The following PKLR variants were observed in gnomAD, a reference collection of about 807,000 sequenced individuals.
PKLR encodes pyruvate kinase PKLR.
In PKLR, 38 loss-of-function variants were observed where a neutral mutation model predicts 53.6. That is an observed-to-expected ratio of 0.71 (90% CI 0.55 to 0.93). The LOEUF (loss-of-function observed/expected upper bound fraction) is 0.93. PKLR is among the 40% of genes least tolerant of loss of function. PKLR has a pLI of 0.00. For synonymous variants in PKLR, 328 were observed against 316.2 expected (o/e 1.04, Z -0.39); for missense variants, 702 against 787.3 (o/e 0.89, Z 1.30).
chr1:155,294,835 C>G (rs544737167), intron 5 of PKLR, 83 bp from the exon 6 acceptor site: 2 of 1,525,354 alleles, frequency 1.3e-6, no homozygotes, highest in South Asian at 1.1e-5. Context: ...GGCTTGGACC[C>G]GCAAGAGGTC....
rs1674482754 is a variant in PKLR at position 155,290,517 on chromosome 1, GGGGAGGAA to G, written c.*47_*54del. On this transcript the variant is annotated 3_prime_UTR_variant, in exon 11 of 11. Transcript: ENST00000342741. Reference sequence around the variant, plus strand: ...GGGTGTGGGCTGGAGAACGTAGACTGGGGAGGAAGGGATGGGGTACAAGGGTAGGCTGG... The same window carrying G: ...GGGTGTGGGCTGGAGAACGTAGACTGGGGATGGGGTACAAGGGTAGGCTGG... 2 of 1,047,650 alleles carry G rather than the reference GGGGAGGAA, an allele frequency of 1.9e-6. No individual in the cohort carries two copies. Among genetic ancestry groups the G allele is most frequent in the East Asian group, 4.8e-5 (2 of 41,436 alleles). 64.9% of individuals were successfully genotyped at this position (1,047,650 alleles called of 1,614,324 possible).
the PKLR span, chr1:155,308,618 G>A: frequency 2.0e-6 from 2 of 985,416 alleles, no homozygotes; most frequent in Non-Finnish European, 2.4e-6. Context: ...AAGCCACAGC[G>A]GGGACGTTCC....
chr1:155,294,080 C>T (rs1396631426), intron 7 of PKLR, among the ~76,000 whole-genome samples, 155 bp downstream of exon 7: 4 of 152,138 alleles, frequency 2.6e-5, no homozygotes, highest in Admixed American at 2.0e-4. Flanking sequence ...TTGCAGTGAG[C>T]GGAGATTGCG....
chr1:155,295,242 CG>C lies in PKLR; in HGVS notation c.567del (p.Ala190ArgfsTer37). On this transcript the variant is annotated frameshift_variant, in exon 5 of 11. Transcript: ENST00000342741. LOFTEE classifies it high-confidence loss of function. The surrounding 1 kb of genome is among the most constrained non-coding windows in gnomAD (Gnocchi z 4.3). ...TTCGCGTTCCCCCGCGTCCGGAACGCGGGGTCCACAGTCACCAGCACCTGGG... is the reference window on the plus strand; with the variant it reads ...TTCGCGTTCCCCCGCGTCCGGAACGCGGGTCCACAGTCACCAGCACCTGGG... ...KGSQVLVTVD[P>X]AFRTRGNANT... 6.2e-7 allele frequency: 1 copy of C among 1,614,088 alleles called. No individual in the cohort carries two copies. The highest frequency in any genetic ancestry group is 8.5e-7 in the Non-Finnish European group (1 of 1,179,982).
At chr1:155,301,998 C>A (rs1557966155), upstream of PKLR, among the ~76,000 whole-genome samples, 1 of 151,988 alleles carries the variant, frequency 6.6e-6, no homozygotes, top group African/African-American at 2.4e-5. Flanking sequence ...TTATAGACTC[C>A]TACCCCCAGG....
At position 155,294,371 on chromosome 1, in the gene PKLR, A is replaced by T. The variant is rs758924903; in HGVS notation, c.980T>A (p.Leu327Gln). 1.2e-6 allele frequency: 2 copies of T among 1,614,176 alleles called. No homozygotes were observed. Among genetic ancestry groups the T allele is most frequent in the Non-Finnish European group, 1.7e-6 (2 of 1,180,028 alleles). ...HEGVKRFDEI[L>Q]EVSDGIMVAR... ...CACCATGATGCCGTCGCTCACCTCC[A>T]GGATTTCATCAAACCTGAGAGGTTG... The change falls in exon 7 of 11, where the codon CTG (leucine) becomes CAG (glutamine). Residue 327 changes from leucine (L) to glutamine (Q), a missense_variant. Transcript: ENST00000342741.
chr1:155,299,922 T>A (rs1385821132), intron 2 of PKLR, among the ~76,000 whole-genome samples, 176 bp downstream of exon 2: 1 of 152,220 alleles, frequency 6.6e-6, no homozygotes, highest in African/African-American at 2.4e-5. Flanking sequence ...TTGTCTGTTT[T>A]TTTCACTGAT....
chr1:155,301,084 C>T (rs981392370), intron 1 of PKLR: 1 of 1,492,424 alleles, frequency 6.7e-7, no homozygotes, highest in Non-Finnish European at 9.1e-7. Flanking sequence ...CCGTGGCTTA[C>T]ATGCTGTGGC....
chr1:155,308,649 A>C, the PKLR span: 1 of 985,434 alleles, frequency 1.0e-6, no homozygotes, highest in South Asian at 4.7e-5. Flanking sequence ...CGCTTCCGGC[A>C]CTGACGCCTC....
rs758922618 is a variant in PKLR at position 155,290,560 on chromosome 1, G to A, written c.*12C>T. On this transcript the variant is annotated 3_prime_UTR_variant, in exon 11 of 11. Transcript: ENST00000342741. Reference sequence around the variant, plus strand: ...TACAAGGGTAGGCTGGGCCAGAGGAGGGAGGGGCGTCTCAGGATATGCTTA... The same window carrying A: ...TACAAGGGTAGGCTGGGCCAGAGGAAGGAGGGGCGTCTCAGGATATGCTTA... 1.3e-6 allele frequency: 2 copies of A among 1,545,450 alleles called. No individual in the cohort carries two copies. The highest frequency in any genetic ancestry group is 2.3e-5 in the East Asian group (1 of 44,370).
rs758341301 is a variant in PKLR at position 155,295,481 on chromosome 1, G to A, written c.463C>T (p.Leu155=). ...PLSYRPVAIA[L]DTKGPEIRTG... ...CGGATCTCCGGTCCCTTGGTGTCCA[G>A]GGCGATGGCCACGGGCCGGTAGCTG... Residue 155 remains leucine, a synonymous_variant, in exon 4 of 11, where the codon CTG becomes TTG. Transcript: ENST00000342741. This position sits in a 1 kb window ranked among gnomAD's most constrained non-coding sequence, Gnocchi z 4.3. 2 of 1,609,676 alleles carry A rather than the reference G, an allele frequency of 1.2e-6. No homozygotes were observed. The highest frequency in any genetic ancestry group is 1.1e-5 in the South Asian group (1 of 90,586).
upstream of PKLR, among the ~76,000 whole-genome samples, chr1:155,304,668 A>G (rs1648183918): frequency 1.3e-5 from 2 of 152,142 alleles, no homozygotes. Flanking sequence ...AGTTGGGTAG[A>G]TGGTAGCGCC....
At position 155,291,771 on chromosome 1, in the gene PKLR, A is replaced by G; in HGVS notation, c.1603T>C (p.Phe535Leu). 6.2e-7 allele frequency: 1 copy of G among 1,613,904 alleles called. No individual in the cohort carries two copies. Among genetic ancestry groups the G allele is most frequent in the South Asian group, 1.1e-5 (1 of 91,072 alleles). ...GGTAGCTCACCACTTTCAATGCCAA[A>G]TTGCACCCGGCGATCTACATCATCT... ...WADDVDRRVQ[F>L]GIESGKLRGF... Residue 535 changes from phenylalanine to leucine, a missense_variant, in exon 10 of 11, where the codon TTT becomes CTT. Around this residue, in one of 2 missense-constraint regions of PKLR, gnomAD observed 183 missense variants for 250.2 expected, o/e 0.73. Coordinates refer to ENST00000342741, the MANE Select transcript of PKLR (RefSeq NM_000298.6).
Position 155,293,512 on chromosome 1 carries a change from C to A in PKLR, c.1195G>T (p.Ala399Ser). 6.2e-7 allele frequency: 1 copy of A among 1,614,060 alleles called. No homozygotes were observed. The highest frequency in any genetic ancestry group is 8.5e-7 in the Non-Finnish European group (1 of 1,179,880). ...TCCCCTGACAGCATGATGCAGTCAGCCCCATCCAGCACAGCATTGGCGACA... is the reference window on the plus strand; with the variant it reads ...TCCCCTGACAGCATGATGCAGTCAGACCCATCCAGCACAGCATTGGCGACA... ...SDVANAVLDG[A>S]DCIMLSGETA... Residue 399 changes from alanine (A) to serine (S), a missense_variant, in exon 8 of 11, where the codon GCT becomes TCT. Transcript: ENST00000342741. This position sits in a 1 kb window ranked among gnomAD's most constrained non-coding sequence, Gnocchi z 4.2.
In PKLR at chr1:155,294,897, A is replaced by G. The variant is rs1647470939; in HGVS notation, c.695-145T>C. 3 of 1,191,994 alleles carry G rather than the reference A, an allele frequency of 2.5e-6. No homozygotes were observed. In the Admixed American group the frequency reaches 6.1e-5, roughly 24 times the overall value. 73.8% of individuals were successfully genotyped at this position (1,191,994 alleles called of 1,614,324 possible). On this transcript the variant is annotated intron_variant, in intron 5 of 10. Transcript: ENST00000342741. ...GCCCTTGTTCTGGGCTTCGCCCGGA[A>G]GAGGCACAGATGGACGTCCGTGGAA...
intron 1 of PKLR, chr1:155,301,062 C>T (rs1030790714): frequency 8.5e-6 from 13 of 1,531,556 alleles, no homozygotes; most frequent in Non-Finnish European, 1.1e-5. Context: ...GTCCAGGAAC[C>T]ACGGGAGTGC....
rs1647498854 is a variant in PKLR, at chr1:155,295,196, G to C, written c.614C>G (p.Pro205Arg). The change falls in exon 5 of 11, where the codon CCC becomes CGC. Residue 205 changes from proline (P) to arginine (R), a missense_variant. This residue lies in a region of PKLR where 519 missense variants were observed against 537.1 expected (regional missense o/e 0.97). Coordinates refer to ENST00000342741, the MANE Select transcript of PKLR (RefSeq NM_000298.6). This position sits in a 1 kb window ranked among gnomAD's most constrained non-coding sequence, Gnocchi z 4.3. ...GNANTVWVDY[P>R]NIVRVVPVGG... ...CACCGGCACGACCCGGACAATATTG[G>C]GGTAGTCCACCCACACGGTGTTCGC... 3 of 1,614,142 alleles carry C rather than the reference G, an allele frequency of 1.9e-6. No homozygotes were observed. Among genetic ancestry groups the C allele is most frequent in the Non-Finnish European group, 2.5e-6 (3 of 1,180,002 alleles).
In PKLR at chr1:155,293,537, A is replaced by T; in HGVS notation, c.1170T>A (p.Asp390Glu). The change falls in exon 8 of 11, where the codon GAT becomes GAA. Residue 390 changes from aspartate to glutamate, a missense_variant. Coordinates refer to ENST00000342741, the MANE Select transcript of PKLR (RefSeq NM_000298.6). The surrounding 1 kb of genome is among the most constrained non-coding windows in gnomAD (Gnocchi z 4.2). ...CCCCATCCAGCACAGCATTGGCGAC[A>T]TCGCTTGTCTCTGCCCTCGTTGGCC... ...KPRPTRAETSDVANAVLDGAD... is the reference protein window; with the variant it reads ...KPRPTRAETSEVANAVLDGAD... 6.2e-7 allele frequency: 1 copy of T among 1,614,224 alleles called. No individual in the cohort carries two copies. The highest frequency in any genetic ancestry group is 8.5e-7 in the Non-Finnish European group (1 of 1,180,028).
In PKLR at chr1:155,293,409, C is replaced by T. The variant is rs773132207; in HGVS notation, c.1269+29G>A. On this transcript the variant is annotated intron_variant, in intron 8 of 10. Transcript: ENST00000342741. The surrounding 1 kb of genome is among the most constrained non-coding windows in gnomAD (Gnocchi z 4.2). ...GTATGGAAGGGATTTGGTTCCCTGGCCCATTTGCTTTTCATTCTGAGCTCC... is the reference window on the plus strand; with the variant it reads ...GTATGGAAGGGATTTGGTTCCCTGGTCCATTTGCTTTTCATTCTGAGCTCC... 70 of 1,614,066 alleles carry T rather than the reference C, an allele frequency of 4.3e-5. No homozygotes were observed. Among genetic ancestry groups the T allele is most frequent in the Non-Finnish European group, 5.6e-5 (66 of 1,180,028 alleles).
Sources: gnomAD v4.1 joint callset for allele counts (sites outside exome capture counted in the v4.1 genomes callset) on GRCh38, gnomAD v4.1.1 for gene constraint, gnomAD v4.1.1 regional missense constraint, Gnocchi (gnomAD v3.1) non-coding constraint, MANE v1.5 for transcripts, NCBI Gene and HGNC (gene_info 2026-07-23, HGNC 2026-07-21) for gene names.